AGBL1: variants seen among roughly 807,000 people sequenced by gnomAD.
AGBL1 encodes AGBL carboxypeptidase 1, also known as cytosolic carboxypeptidase 4.
In AGBL1, 130 loss-of-function variants were observed where a neutral mutation model predicts 118.9. That is an observed-to-expected ratio of 1.09 (90% CI 0.95 to 1.26). The LOEUF (loss-of-function observed/expected upper bound fraction) is 1.26. Among genes scored for constraint, AGBL1 ranks in the 50% most tolerant of loss-of-function variants. The pLI, the probability that AGBL1 is intolerant of heterozygous loss-of-function variation, is 0.00. For synonymous variants in AGBL1, 555 were observed against 478.9 expected, an observed-to-expected ratio of 1.16 and a Z score of -2.08; for missense variants, 1,584 against 1,298.1, an observed-to-expected ratio of 1.22 and a Z score of -3.38.
rs888009499 is a variant in AGBL1, at chr15:86,536,978, G to T, written c.2686-9024G>T. The stretch of plus-strand genomic sequence containing the variant: ...AACACAGCAAGGTAGCAATGATCGT[G>T]GCCAAGGGCATTGGGCGTAGGGCTT... On this transcript the variant is annotated intron_variant, in intron 19 of 22. Coordinates refer to ENST00000614907, the MANE Select transcript of AGBL1 (RefSeq NM_001386094.1). Among the ~76,000 whole-genome samples, 4 of 152,314 alleles carry T rather than the reference G, an allele frequency of 2.6e-5. No individual in the cohort carries two copies. The South Asian group carries it at 8.3e-4, about 32-fold the overall frequency.
At chr15:86,296,626 G>A (rs987662473) in intron 17 of AGBL1, 11 of 152,214 alleles carry the variant, frequency 7.2e-5, no homozygotes, top group African/African-American at 2.2e-4. Context: ...GACAATGGAT[G>A]CTTAACAACC....
At chr15:86,530,141 C>G (rs949519594) in intron 19 of AGBL1, among the ~76,000 whole-genome samples, 3 of 141,022 alleles carry the variant, frequency 2.1e-5, no homozygotes, top group Non-Finnish European at 4.4e-5. Flanking sequence ...ACTAAATTCT[C>G]CAATTAAAAG....
chr15:86,526,667 T>C (rs2083271159), intron 19 of AGBL1, among the ~76,000 whole-genome samples: 1 of 150,204 alleles, frequency 6.7e-6, no homozygotes, highest in African/African-American at 2.4e-5. Context: ...ACATATACCA[T>C]GGAATACTAC....
intron 18 of AGBL1, among the ~76,000 whole-genome samples, chr15:86,436,964 A>G (rs2082007472): frequency 6.6e-6 from 1 of 152,168 alleles, no homozygotes; most frequent in Non-Finnish European, 1.5e-5. Flanking sequence ...CAAATCTTGA[A>G]AAAGCATCAT....
chr15:86,482,274 C>A (rs1271206053), intron 18 of AGBL1, among the ~76,000 whole-genome samples: 2 of 152,104 alleles, frequency 1.3e-5, no homozygotes, highest in African/African-American at 4.8e-5. Flanking sequence ...GTAAAATATT[C>A]TGAGATCCCA....
rs148646227 is a variant in AGBL1 at position 87,006,737 on chromosome 15, G to A, written c.3323+18649G>A. Among the ~76,000 whole-genome samples the A allele has an allele frequency of 5.4e-3, 822 of 152,272 alleles. 4 individuals are homozygous for A. Among genetic ancestry groups the A allele is most frequent in the Non-Finnish European group, 8.3e-3 (568 of 68,032 alleles). ...TGAGATGAACCCAGTACTTCAGTTG[G>A]AAATGCAGAAATCACCCGTCTTCTG... On this transcript the variant is annotated intron_variant, in intron 24 of 24. Coordinates refer to the AGBL1 transcript ENST00000441037.
At chr15:86,737,734 G>A (rs914005530) in intron 22 of AGBL1, among the ~76,000 whole-genome samples, 3 of 152,078 alleles carry the variant, frequency 2.0e-5, no homozygotes, top group African/African-American at 7.2e-5. Context: ...TATTCCATAA[G>A]GGAAAATGTG....
chr15:86,565,919 A>G (rs939058110), intron 21 of AGBL1, among the ~76,000 whole-genome samples: 20 of 152,178 alleles, frequency 1.3e-4, no homozygotes, highest in Non-Finnish European at 2.8e-4. Context: ...TGGGCGTGGG[A>G]CCCTCTGAGC....
chr15:87,024,615 G>C (rs193085287), intron 24 of AGBL1, among the ~76,000 whole-genome samples: 144 of 152,116 alleles, frequency 9.5e-4, no homozygotes, highest in African/African-American at 3.2e-3. Context: ...TGGAGAAAGA[G>C]AGACCCTTCC....
At chr15:86,621,756 C>T (rs758653478) in intron 21 of AGBL1, among the ~76,000 whole-genome samples, 2 of 152,166 alleles carry the variant, frequency 1.3e-5, no homozygotes, top group Admixed American at 6.6e-5. Context: ...TATTCTCTCT[C>T]ACACTCAGTT....
At chr15:86,343,393 C>T (rs1352481426) in intron 17 of AGBL1, among the ~76,000 whole-genome samples, 1 of 152,130 alleles carries the variant, frequency 6.6e-6, no homozygotes, top group East Asian at 1.9e-4. Flanking sequence ...ATGGCTCCCT[C>T]CCCTTGTGTC....
chr15:86,738,356 G>A (rs551005810), intron 22 of AGBL1, among the ~76,000 whole-genome samples: 5 of 151,922 alleles, frequency 3.3e-5, no homozygotes, highest in African/African-American at 1.2e-4. Context: ...CCTGTTCAAC[G>A]CAGTACTGGA....
In AGBL1 at chr15:86,907,750, T is replaced by G. The variant is rs1029234234; in HGVS notation, c.*456T>G. Reference sequence around the variant, plus strand: ...AATGTTATCTCCCCACCATAGCATTTGAGCACCCCAGAACAAACCACTGAG... The same window carrying G: ...AATGTTATCTCCCCACCATAGCATTGGAGCACCCCAGAACAAACCACTGAG... On this transcript the variant is annotated 3_prime_UTR_variant, in exon 23 of 23. Transcript: ENST00000614907. 2 of 152,206 alleles carry G rather than the reference T, an allele frequency of 1.3e-5. No homozygotes were observed. Among genetic ancestry groups the G allele is most frequent in the Non-Finnish European group, 2.9e-5 (2 of 68,038 alleles). 9.4% of individuals were successfully genotyped at this position (152,206 alleles called of 1,614,324 possible).
intron 22 of AGBL1, among the ~76,000 whole-genome samples, chr15:86,835,157 G>C (rs2079153768): frequency 6.6e-6 from 1 of 152,088 alleles, no homozygotes; most frequent in South Asian, 2.1e-4. Context: ...GGCTAAGACA[G>C]GTGTATACTA....
chr15:86,403,851 T>C (rs1009571853), intron 18 of AGBL1, among the ~76,000 whole-genome samples: 1 of 152,162 alleles, frequency 6.6e-6, no homozygotes, highest in African/African-American at 2.4e-5. Context: ...GCAGGGCAGA[T>C]TCTTGTATAT....
chr15:86,573,378 A>G (rs17681583), intron 21 of AGBL1, among the ~76,000 whole-genome samples: 10,453 of 152,326 alleles, frequency 0.069, 395 homozygotes, highest in African/African-American at 0.11. Context: ...AGTAAGCAAT[A>G]ACAGCAGAGT....
intron 17 of AGBL1, among the ~76,000 whole-genome samples, chr15:86,337,370 A>G (rs959496887): frequency 7.2e-5 from 11 of 152,182 alleles, no homozygotes; most frequent in African/African-American, 2.7e-4. Context: ...AAAAGAAGGA[A>G]GGAAGGAATG....
At chr15:86,368,845 A>C (rs2080929609) in intron 17 of AGBL1, among the ~76,000 whole-genome samples, 2 of 152,212 alleles carry the variant, frequency 1.3e-5, no homozygotes, top group African/African-American at 2.4e-5. Context: ...GTGTATTCTG[A>C]ATATCAAACA....
At chr15:86,969,231 C>T (rs184794196) in intron 23 of AGBL1, among the ~76,000 whole-genome samples, 2 of 152,058 alleles carry the variant, frequency 1.3e-5, no homozygotes, top group Non-Finnish European at 2.9e-5. Context: ...GCAAATTCTG[C>T]TCCAGCTGTG....
Sources: allele counts gnomAD v4.1 joint callset (sites outside exome capture counted in the v4.1 genomes callset), GRCh38; gene constraint gnomAD v4.1.1; transcripts MANE v1.5; gene names NCBI Gene and HGNC (gene_info 2026-07-23, HGNC 2026-07-21).